Variants in ZBTB7C observed in about 807,000 individuals in gnomAD.
ZBTB7C encodes the protein zinc finger and BTB domain-containing protein 7C.
In ZBTB7C, 8 loss-of-function variants were observed where a neutral mutation model predicts 25.7. The observed-to-expected ratio is 0.31, with a 90% confidence interval of 0.18 to 0.56. The LOEUF (loss-of-function observed/expected upper bound fraction) is 0.56, where lower values mean the gene tolerates loss of function less well. Among genes scored for constraint, ZBTB7C ranks in the 20% least tolerant of loss-of-function variants. ZBTB7C has a pLI of 0.91. For missense variants in ZBTB7C, 824 were observed against 855.2 expected (o/e 0.96, Z 0.46); for synonymous variants, 394 against 369.0 (o/e 1.07, Z -0.78).
chr18:48,032,155 C>T (rs2035778900), intron 4 of ZBTB7C, among the ~76,000 whole-genome samples: 1 of 151,982 alleles, frequency 6.6e-6, no homozygotes, highest in South Asian at 2.1e-4. Flanking sequence ...ACTCTGTTGC[C>T]CAGGCTGGAG....
At chr18:48,407,545 C>A (rs907004978) in intron 1 of ZBTB7C, among the ~76,000 whole-genome samples, 2 of 152,300 alleles carry the variant, frequency 1.3e-5, no homozygotes, top group African/African-American at 4.8e-5. Context: ...CCCTACCAGG[C>A]CTTGCCCAGG....
intron 2 of ZBTB7C, among the ~76,000 whole-genome samples, chr18:48,318,831 G>A (rs1568373212): frequency 6.6e-6 from 1 of 152,080 alleles, no homozygotes; most frequent in African/African-American, 2.4e-5. Flanking sequence ...GGTATGGAGG[G>A]GCCCCAAGCA....
intron 3 of ZBTB7C, chr18:48,137,372 C>T (rs984764530): frequency 5.0e-5 from 49 of 975,932 alleles, no homozygotes; most frequent in East Asian, 2.3e-4. Flanking sequence ...TTTTCTTTTC[C>T]CCTCTTTTCT....
chr18:48,204,571 C>A (rs939264483), intron 2 of ZBTB7C, among the ~76,000 whole-genome samples: 1 of 152,178 alleles, frequency 6.6e-6, no homozygotes, highest in African/African-American at 2.4e-5. Context: ...CTGAGACATT[C>A]CTTCCCTTCA....
chr18:48,392,037 G>T (rs2047914871), intron 1 of ZBTB7C, among the ~76,000 whole-genome samples: 1 of 152,178 alleles, frequency 6.6e-6, no homozygotes, highest in South Asian at 2.1e-4. Context: ...CTGGCACTCA[G>T]TGCAAGGGAG....
Position 48,040,752 on chromosome 18 carries a change from A to T in ZBTB7C, c.356T>A (p.Ile119Asn). ...CATGATCTCCAGGCACACGTTCACG[A>T]TGCACTGGATCTCCAGCATCCTGGC... is the stretch of plus-strand genomic sequence containing the variant. ...NAARMLEIQC[I>N]VNVCLEIMEP... Residue 119 changes from isoleucine (I) to asparagine (N), a missense_variant, in exon 4 of 5, where the codon ATC becomes AAC. Ile to Asn is a moderately radical substitution (Grantham distance 149). Around this residue, in one of 4 missense-constraint regions of ZBTB7C, gnomAD observed 117 missense variants for 167.7 expected, o/e 0.70. Coordinates refer to ENST00000590800, the MANE Select transcript of ZBTB7C (RefSeq NM_001318841.2). 6.2e-7 allele frequency: 1 copy of T among 1,613,460 alleles called. No homozygotes were observed. Among genetic ancestry groups the T allele is most frequent in the Non-Finnish European group, 8.5e-7 (1 of 1,179,894 alleles).
intron 1 of ZBTB7C, among the ~76,000 whole-genome samples, chr18:48,399,727 G>A (rs1257769062): frequency 6.6e-6 from 1 of 152,138 alleles, no homozygotes; most frequent in Non-Finnish European, 1.5e-5. Context: ...TTAAAAAGAG[G>A]AGACACTCCA....
At chr18:48,227,773 A>G (rs1193539899) in intron 2 of ZBTB7C, among the ~76,000 whole-genome samples, 1 of 152,172 alleles carries the variant, frequency 6.6e-6, no homozygotes, top group Admixed American at 6.5e-5. Context: ...AAACATTGGG[A>G]AATTAAGAAA....
At chr18:48,313,946 T>C (rs949867226) in intron 2 of ZBTB7C, among the ~76,000 whole-genome samples, 2 of 152,194 alleles carry the variant, frequency 1.3e-5, no homozygotes, top group Admixed American at 1.3e-4. Context: ...TCTGGTTGTT[T>C]AAGAGTCTGG....
intron 2 of ZBTB7C, among the ~76,000 whole-genome samples, chr18:48,314,902 G>T (rs898627634): frequency 7.9e-5 from 12 of 152,178 alleles, no homozygotes; most frequent in African/African-American, 2.9e-4. Context: ...TTTGCAGCCA[G>T]CAGGGGAGTC....
At chr18:48,045,269 T>C (rs1367506590) in intron 3 of ZBTB7C, among the ~76,000 whole-genome samples, 1 of 152,212 alleles carries the variant, frequency 6.6e-6, no homozygotes, top group Non-Finnish European at 1.5e-5. Flanking sequence ...CTACTGTCTT[T>C]CTCATAGTGT....
At chr18:48,171,495 A>G (rs1272881072) in intron 3 of ZBTB7C, among the ~76,000 whole-genome samples, 3 of 152,264 alleles carry the variant, frequency 2.0e-5, no homozygotes, top group African/African-American at 4.8e-5. Flanking sequence ...CTCAGCAACT[A>G]TGCGGCTGGA....
intron 3 of ZBTB7C, among the ~76,000 whole-genome samples, chr18:48,078,622 GGA>G (rs2037864037): frequency 1.3e-5 from 2 of 152,172 alleles, no homozygotes; most frequent in Admixed American, 1.3e-4. Context: ...GAAAGCTACA[GGA>G]GAACCTCCAT....
intron 3 of ZBTB7C, chr18:48,137,031 T>G: frequency 1.0e-6 from 1 of 984,658 alleles, no homozygotes; most frequent in Non-Finnish European, 1.2e-6. Flanking sequence ...GACGCCGCGC[T>G]CGTGCCCGGG....
Position 48,103,702 on chromosome 18 carries a change from G to A in ZBTB7C, c.-16-62579C>T, listed in dbSNP as rs551867552. Among the ~76,000 whole-genome samples, 8 of 152,180 alleles carry A rather than the reference G, an allele frequency of 5.3e-5. No homozygotes were observed. In the East Asian group the frequency reaches 5.8e-4, roughly 11 times the overall value. ...ACAACTCAAATATCCATCAACTGGT[G>A]AATGGATAAACAAAATATGGTAGAT... On this transcript the variant is annotated intron_variant, in intron 3 of 4. Transcript: ENST00000590800.
chr18:48,278,580 C>T (rs2044737712), intron 2 of ZBTB7C, among the ~76,000 whole-genome samples: 1 of 152,106 alleles, frequency 6.6e-6, no homozygotes, highest in Non-Finnish European at 1.5e-5. Flanking sequence ...CAGATGCCCA[C>T]CACCATGCCC....
At chr18:48,102,288 G>T (rs2144616847) in intron 3 of ZBTB7C, among the ~76,000 whole-genome samples, 1 of 152,302 alleles carries the variant, frequency 6.6e-6, no homozygotes. Flanking sequence ...TAACGGCAGG[G>T]TGCAGTGGCT....
Position 48,040,541 on chromosome 18 carries a change from A to G in ZBTB7C, c.567T>C (p.Pro189=). The stretch of plus-strand genomic sequence containing the variant: ...TCTCTGTGAGATGGTCTGTCTTGGA[A>G]GGGCTTTGGTGGCAGCTGATGTCCT... ...DPQDISCHQS[P]SKTDHLTEKA... The change falls in exon 4 of 5, where the codon CCT becomes CCC. Residue 189 remains proline, a synonymous_variant. Transcript: ENST00000590800. 6.2e-7 allele frequency: 1 copy of G among 1,613,972 alleles called. No homozygotes were observed. Among genetic ancestry groups the G allele is most frequent in the Non-Finnish European group, 8.5e-7 (1 of 1,179,962 alleles).
chr18:48,388,936 G>A (rs1234787125), intron 1 of ZBTB7C, among the ~76,000 whole-genome samples: 4 of 152,098 alleles, frequency 2.6e-5, no homozygotes, highest in African/African-American at 7.2e-5. Flanking sequence ...GTTCTTAAGA[G>A]TTCAAAGACT....
Sources: allele counts gnomAD v4.1 joint callset (sites outside exome capture counted in the v4.1 genomes callset), GRCh38; gene constraint gnomAD v4.1.1; regional missense constraint gnomAD v4.1.1; transcripts MANE v1.5; gene names NCBI Gene and HGNC (gene_info 2026-07-23, HGNC 2026-07-21).